The following ELAVL4 variants were observed in gnomAD, a reference collection of about 807,000 sequenced individuals.
The protein encoded by ELAVL4 is ELAV like RNA binding protein 4.
In ELAVL4, 1 loss-of-function variant was observed where a neutral mutation model predicts 35.6. That is an observed-to-expected ratio of 0.03 (90% CI 0.01 to 0.13). The LOEUF is 0.13. Among genes scored for constraint, ELAVL4 ranks in the 10% least tolerant of loss-of-function variants. The probability of loss-of-function intolerance (pLI) is 1.00; values close to 1 mark genes in which losing one functional copy is unlikely to be tolerated. For synonymous variants in ELAVL4, 156 were observed against 171.0 expected (o/e 0.91, Z 0.69); for missense variants, 267 against 464.9 (o/e 0.57, Z 3.91).
intron 3 of ELAVL4, among the ~76,000 whole-genome samples, chr1:50,190,767 T>C (rs1406162101): frequency 6.6e-6 from 1 of 152,248 alleles, no homozygotes; most frequent in Non-Finnish European, 1.5e-5. Context: ...GTTCCCTCTG[T>C]ACCCTAGCTC....
chr1:50,168,470 G>A (rs1313544691), intron 2 of ELAVL4, among the ~76,000 whole-genome samples: 1 of 152,168 alleles, frequency 6.6e-6, no homozygotes, highest in African/African-American at 2.4e-5. Flanking sequence ...TTCTCTACAA[G>A]AGATAAGACT....
rs188913151 is a variant in ELAVL4, at chr1:50,070,792, C to T, written c.18+22610C>T. On this transcript the variant is annotated intron_variant, in intron 1 of 6. Transcript: ENST00000448907. ...ACTAAACGGTGACGTTTCAGAAGGG[C>T]AGATAAAGTTACATAATATTTTTAG... Among the ~76,000 whole-genome samples the T allele has an allele frequency of 9.4e-4, 141 of 150,436 alleles. 4 individuals carry two copies. The highest frequency in any genetic ancestry group is 8.8e-5 in the Non-Finnish European group (6 of 67,844).
chr1:50,147,148 A>G (rs1673867501), intron 2 of ELAVL4, among the ~76,000 whole-genome samples: 2 of 152,174 alleles, frequency 1.3e-5, no homozygotes, highest in Non-Finnish European at 2.9e-5. Flanking sequence ...AAGCAGAAAT[A>G]CAATTCAGGC....
At chr1:50,171,994 G>C (rs1572518312) in intron 2 of ELAVL4, among the ~76,000 whole-genome samples, 1 of 152,234 alleles carries the variant, frequency 6.6e-6, no homozygotes, top group East Asian at 1.9e-4. Context: ...ACTCAACTCA[G>C]AAGTTTTCAA....
intron 1 of ELAVL4, among the ~76,000 whole-genome samples, chr1:50,088,016 T>C (rs1258710768): frequency 3.3e-5 from 5 of 152,246 alleles, no homozygotes; most frequent in South Asian, 2.1e-4. Flanking sequence ...TACAAGATCA[T>C]TGAGGCTGAT....
upstream of ELAVL4, among the ~76,000 whole-genome samples, chr1:50,101,425 A>C (rs1336608410): frequency 6.6e-6 from 1 of 152,216 alleles, no homozygotes; most frequent in Non-Finnish European, 1.5e-5. Context: ...ATTAAATGAG[A>C]TATCTTGAGG....
chr1:50,071,626 A>C (rs1664529035), intron 1 of ELAVL4, among the ~76,000 whole-genome samples: 1 of 152,218 alleles, frequency 6.6e-6, no homozygotes, highest in South Asian at 2.1e-4. Flanking sequence ...AGCTAAGGTA[A>C]GATGGAAAGA....
intron 2 of ELAVL4, among the ~76,000 whole-genome samples, chr1:50,158,403 C>A (rs562174314): frequency 6.6e-6 from 1 of 151,156 alleles, no homozygotes; most frequent in East Asian, 2.0e-4. Flanking sequence ...AGTGTAGATA[C>A]TCTGTTTGTG....
rs554464509 is a variant in ELAVL4 at position 50,127,090 on chromosome 1, G to A, written c.10-17867G>A. On this transcript the variant is annotated intron_variant, in intron 1 of 6. Coordinates refer to ENST00000371824, the MANE Select transcript of ELAVL4 (RefSeq NM_001144774.3). ...ATAAAGAGTCACCCATTCCTCTTAC[G>A]ATTATCTCAGCATGCTGAGAAAGAA... Among the ~76,000 whole-genome samples, 5 of 152,144 alleles carry A rather than the reference G, an allele frequency of 3.3e-5. No homozygotes were observed. The South Asian group carries it at 6.2e-4, about 19-fold the overall frequency.
chr1:50,169,056 T>C (rs990367039), intron 2 of ELAVL4, among the ~76,000 whole-genome samples: 3 of 151,758 alleles, frequency 2.0e-5, no homozygotes, highest in African/African-American at 7.3e-5. Flanking sequence ...CAACAGGTTG[T>C]CTGAAAGCTG....
chr1:50,121,672 C>A (rs968366502), intron 1 of ELAVL4, among the ~76,000 whole-genome samples: 1 of 151,924 alleles, frequency 6.6e-6, no homozygotes, highest in Non-Finnish European at 1.5e-5. Flanking sequence ...TAACAGTCAG[C>A]TTTTTTAGAA....
At chr1:50,071,115 C>T (rs369124169) in intron 1 of ELAVL4, among the ~76,000 whole-genome samples, 12 of 152,312 alleles carry the variant, frequency 7.9e-5, no homozygotes, top group African/African-American at 2.9e-4. Flanking sequence ...AAGGACCCCC[C>T]CTCAGAACAG....
intron 1 of ELAVL4, among the ~76,000 whole-genome samples, chr1:50,089,047 T>C (rs1012164321): frequency 6.6e-6 from 1 of 152,232 alleles, no homozygotes; most frequent in African/African-American, 2.4e-5. Flanking sequence ...ATTGAGCAGC[T>C]CTGACTACAA....
chr1:50,103,261 A>G (rs1206639867), upstream of ELAVL4, among the ~76,000 whole-genome samples: 1 of 152,174 alleles, frequency 6.6e-6, no homozygotes, highest in Non-Finnish European at 1.5e-5. Flanking sequence ...AGTAGACAAA[A>G]CTACTTAGGA....
chr1:50,177,070 C>T lies in ELAVL4; in HGVS notation c.251-19C>T. 1 of 1,596,360 alleles carries T rather than the reference C, an allele frequency of 6.3e-7. No individual in the cohort carries two copies. Among genetic ancestry groups the T allele is most frequent in the Non-Finnish European group, 8.6e-7 (1 of 1,164,542 alleles). On this transcript the variant is annotated intron_variant, in intron 2 of 6. Transcript: ENST00000371824. ...TGTCTCTCTCTCCCTTTCTCTCTCT[C>T]TTTTTAATATTTCCACAGGACAGAG...
chr1:50,151,876 GAGA>G (rs1674850502), intron 2 of ELAVL4, among the ~76,000 whole-genome samples: 1 of 152,196 alleles, frequency 6.6e-6, no homozygotes, highest in African/African-American at 2.4e-5. Context: ...TTTAGGTATG[GAGA>G]AGATTTGGCA....
chr1:50,152,792 C>A (rs1675022952), intron 2 of ELAVL4, among the ~76,000 whole-genome samples: 1 of 152,062 alleles, frequency 6.6e-6, no homozygotes, highest in African/African-American at 2.4e-5. Flanking sequence ...CAAAATTGAG[C>A]TTTGATAGGA....
At chr1:50,142,535 G>C (rs756211052) in intron 1 of ELAVL4, among the ~76,000 whole-genome samples, 1 of 152,060 alleles carries the variant, frequency 6.6e-6, no homozygotes, top group Admixed American at 6.6e-5. Flanking sequence ...CTGTTGTCTT[G>C]ACTCAAACAC....
intron 1 of ELAVL4, among the ~76,000 whole-genome samples, chr1:50,144,157 T>C (rs1409165638): frequency 2.0e-5 from 3 of 152,190 alleles, no homozygotes; most frequent in Non-Finnish European, 4.4e-5. Context: ...ATTTCTTTAT[T>C]CTCATACGTG....
Sources: allele counts gnomAD v4.1 joint callset (sites outside exome capture counted in the v4.1 genomes callset), GRCh38; gene constraint gnomAD v4.1.1; transcripts MANE v1.5; gene names NCBI Gene and HGNC (gene_info 2026-07-23, HGNC 2026-07-21).